The following GOLGA8M variants were observed in gnomAD, a reference collection of about 807,000 sequenced individuals.
GOLGA8M encodes the protein golgin subfamily A member 8M.
In GOLGA8M, 34 loss-of-function variants were observed where a neutral mutation model predicts 87.7. That is an observed-to-expected ratio of 0.39 (90% CI 0.29 to 0.52). GOLGA8M has a LOEUF of 0.52. GOLGA8M is among the 20% of genes least tolerant of loss of function. The pLI is 0.80. For synonymous variants in GOLGA8M, 138 were observed against 250.2 expected (o/e 0.55, Z 4.23); for missense variants, 396 against 682.2 (o/e 0.58, Z 4.67).
At chr15:28,706,896 G>C (rs1176690881) in intron 8 of GOLGA8M, among the ~76,000 whole-genome samples, 197 bp from the exon 9 acceptor site, 1 of 144,054 alleles carries the variant, frequency 6.9e-6, no homozygotes, top group Non-Finnish European at 1.5e-5. Flanking sequence ...TTTATAGCTG[G>C]CTAACAGAGG....
At chr15:28,706,814 G>A (rs180853336) in intron 8 of GOLGA8M, 115 bp from the exon 9 acceptor site, 13,961 of 950,924 alleles carry the variant, frequency 0.015, 684 homozygotes, top group Middle Eastern at 0.02. Flanking sequence ...AAAGATCAAG[G>A]CATTTCCAAG....
intron 1 of GOLGA8M, chr15:28,711,743 G>C (rs182126965): frequency 2.0e-6 from 2 of 985,082 alleles, no homozygotes; most frequent in East Asian, 2.3e-4. Context: ...CCTGGTCGGG[G>C]GGAGGGACCA....
rs2080198240 is a variant in GOLGA8M at position 28,711,635 on chromosome 15, G to T, written c.48+641C>A. 7.1e-6 allele frequency: 7 copies of T among 985,004 alleles called. No homozygotes were observed. In the South Asian group the frequency reaches 3.3e-4, roughly 46 times the overall value. The allele number at this position is 985,004 out of a possible 1,614,324, so 61.0% of individuals were successfully genotyped here. ...CTGTGACCAGAGGAACCAGAAACGA[G>T]GTGAGAACGCTTAGGGGACTGGGTC... On this transcript the variant is annotated intron_variant, in intron 1 of 18. Coordinates refer to ENST00000563027, the MANE Select transcript of GOLGA8M (RefSeq NM_001282468.3).
In GOLGA8M at chr15:28,702,581, C is replaced by T. The variant is rs942445048; in HGVS notation, c.1470-19G>A. Reference sequence around the variant, plus strand: ...GATTTTCCTGCGGGAGGACGGGGCTCAGACGCTGGGGCCCCTCCGACGGTC... The same window carrying T: ...GATTTTCCTGCGGGAGGACGGGGCTTAGACGCTGGGGCCCCTCCGACGGTC... On this transcript the variant is annotated intron_variant, in intron 16 of 18. Transcript: ENST00000563027. The T allele has an allele frequency of 9.9e-6, 16 of 1,609,068 alleles. No individual in the cohort carries two copies. The Admixed American group carries it at 2.5e-4, about 25-fold the overall frequency.
rs760842519 is a variant in GOLGA8M, at chr15:28,708,121, C to A, written c.396+5G>T. The A allele has an allele frequency of 6.3e-7, 1 of 1,599,832 alleles. No individual in the cohort carries two copies. On this transcript the variant is annotated splice_donor_5th_base_variant and intron_variant, in intron 6 of 18. Transcript: ENST00000563027. ...ACAGGAGGAAACTGCACACCCTCCACTCACCTCTAGCACCCTTTTGGCTTT... is the reference window on the plus strand; with the variant it reads ...ACAGGAGGAAACTGCACACCCTCCAATCACCTCTAGCACCCTTTTGGCTTT...
chr15:28,707,320 A>G (rs2080063054), intron 8 of GOLGA8M, among the ~76,000 whole-genome samples: 1 of 135,976 alleles, frequency 7.4e-6, no homozygotes, highest in African/African-American at 3.0e-5. Flanking sequence ...TTTTTTATGA[A>G]CCCTTGCAGA....
rs1458885917 is a variant in GOLGA8M at position 28,700,830 on chromosome 15, C to T, written c.*1124G>A. On this transcript the variant is annotated 3_prime_UTR_variant, in exon 19 of 19. Transcript: ENST00000563027. Reference sequence around the variant, plus strand: ...ATCAATCTTCAAGCCTCAAAGAATACGTGAACAGAGAGGAATGCCAGGTGT... The same window carrying T: ...ATCAATCTTCAAGCCTCAAAGAATATGTGAACAGAGAGGAATGCCAGGTGT... Among the ~76,000 whole-genome samples the T allele has an allele frequency of 6.6e-6, 1 of 151,498 alleles. No individual in the cohort carries two copies. The highest frequency in any genetic ancestry group is 6.6e-5 in the Admixed American group (1 of 15,248).
chr15:28,703,269 G>A, intron 15 of GOLGA8M, 50 bp downstream of exon 15: 1 of 499,500 alleles, frequency 2.0e-6, no homozygotes, highest in Non-Finnish European at 3.3e-6. Context: ...GGGTCTTGGA[G>A]GGACCACAGA....
At chr15:28,703,090 T>C (rs1294758909) in intron 15 of GOLGA8M, 106 of 714,796 alleles carry the variant, frequency 1.5e-4, no homozygotes, top group Non-Finnish European at 1.6e-4. Flanking sequence ...AGCATTCTTC[T>C]AGGGGCATAC....
upstream of GOLGA8M, among the ~76,000 whole-genome samples, chr15:28,713,005 T>C (rs1394288288): frequency 6.7e-6 from 1 of 150,202 alleles, no homozygotes; most frequent in African/African-American, 2.5e-5. Flanking sequence ...CGTTAAGATT[T>C]TTTTTCTTAA....
In GOLGA8M at chr15:28,701,291, C is replaced by T. The variant is rs150729078; in HGVS notation, c.*663G>A. Among the ~76,000 whole-genome samples the T allele has an allele frequency of 6.6e-6, 1 of 151,396 alleles. No homozygotes were observed. The highest frequency in any genetic ancestry group is 6.6e-5 in the Admixed American group (1 of 15,162). On this transcript the variant is annotated 3_prime_UTR_variant, in exon 19 of 19. Transcript: ENST00000563027. ...TGAAACACACTCTATCCTGCACATACCTGCCAGAGGAAGCCACTTTCCTCT... is the reference window on the plus strand; with the variant it reads ...TGAAACACACTCTATCCTGCACATATCTGCCAGAGGAAGCCACTTTCCTCT...
chr15:28,712,083 C>G (rs915905716), intron 1 of GOLGA8M, 193 bp downstream of exon 1: 1 of 982,602 alleles, frequency 1.0e-6, no homozygotes, highest in Non-Finnish European at 1.2e-6. Context: ...GGGTGATTGG[C>G]GAGGGCAAGG....
At chr15:28,702,172 C>CT (rs1183638498) in intron 18 of GOLGA8M, 42 bp downstream of exon 18, 1 of 1,584,964 alleles carries the variant, frequency 6.3e-7, no homozygotes, top group African/African-American at 1.4e-5. Context: ...AGTGGGAGCC[C>CT]CCTCTTCCTG....
rs73364742 is a variant in GOLGA8M at position 28,699,080 on chromosome 15, A to G, written c.*2874T>C. 0.25 allele frequency among the ~76,000 whole-genome samples: 35,522 copies of G among 142,878 alleles called. 8,586 individuals are homozygous for G. The highest frequency in any genetic ancestry group is 0.6 in the East Asian group (2,666 of 4,442). The allele number at this position is 142,878 out of a possible 152,430, so 93.7% of individuals were successfully genotyped here. ...TTTAATAGTTATATTATTTTAAAAC[A>G]ACTCTTTAAAGTTTTAGAGAAACTA... is the stretch of plus-strand genomic sequence containing the variant. On this transcript the variant is annotated 3_prime_UTR_variant, in exon 19 of 19. Coordinates refer to ENST00000563027, the MANE Select transcript of GOLGA8M (RefSeq NM_001282468.3).
At position 28,698,806 on chromosome 15, in the gene GOLGA8M, C is replaced by T. The variant is rs923170183; in HGVS notation, c.*3148G>A. Among the ~76,000 whole-genome samples, 42 of 144,714 alleles carry T rather than the reference C, an allele frequency of 2.9e-4. No individual in the cohort carries two copies. Among genetic ancestry groups the T allele is most frequent in the Non-Finnish European group, 4.7e-4 (32 of 67,636 alleles). 94.9% of individuals were successfully genotyped at this position (144,714 alleles called of 152,430 possible). On this transcript the variant is annotated 3_prime_UTR_variant, in exon 19 of 19. Transcript: ENST00000563027. ...TTAATAATTTATTACATTACAGTGG[C>T]ATCACACCAGCAGTCAATAAGGCCA...
At chr15:28,710,047 G>A (rs2080152737) in intron 2 of GOLGA8M, among the ~76,000 whole-genome samples, 1 of 143,632 alleles carries the variant, frequency 7.0e-6, no homozygotes, top group African/African-American at 2.6e-5. Flanking sequence ...ATCCCTAGCA[G>A]AGCAGATGGA....
rs2079853904 is a variant in GOLGA8M, at chr15:28,702,873, G to T, written c.1369-128C>A. On this transcript the variant is annotated intron_variant, in intron 15 of 18. Coordinates refer to ENST00000563027, the MANE Select transcript of GOLGA8M (RefSeq NM_001282468.3). ...TCTCCGTGACTTCCTGCAGGGCCCA[G>T]TGGGTCTCCCCACTCACAGACTCGC... 2.8e-5 allele frequency: 44 copies of T among 1,544,102 alleles called. 2 individuals are homozygous for T. The South Asian group carries it at 5.2e-4, about 18-fold the overall frequency.
Position 28,702,453 on chromosome 15 carries a change from T to C in GOLGA8M, c.1567+12A>G, listed in dbSNP as rs1179857599. The C allele has an allele frequency of 2.9e-6, 2 of 699,680 alleles. No homozygotes were observed. Among genetic ancestry groups the C allele is most frequent in the South Asian group, 2.8e-5 (2 of 71,472 alleles). The allele number at this position is 699,680 out of a possible 1,614,324, so 43.3% of individuals were successfully genotyped here. On this transcript the variant is annotated intron_variant, in intron 17 of 18. Coordinates refer to ENST00000563027, the MANE Select transcript of GOLGA8M (RefSeq NM_001282468.3). ...CCCACCCCCACCCCCACAGAGATGTTGCACACCCTACCTTCATCTCCTCCC... is the reference window on the plus strand; with the variant it reads ...CCCACCCCCACCCCCACAGAGATGTCGCACACCCTACCTTCATCTCCTCCC...
At chr15:28,705,806 A>G in intron 11 of GOLGA8M, 67 bp from the exon 12 acceptor site, 4 of 1,529,174 alleles carry the variant, frequency 2.6e-6, no homozygotes, top group East Asian at 5.5e-5. Flanking sequence ...CTCTTGGCGC[A>G]CAGCTCCTCT....
Sources: gnomAD v4.1 joint callset for allele counts (sites outside exome capture counted in the v4.1 genomes callset) on GRCh38, gnomAD v4.1.1 for gene constraint, MANE v1.5 for transcripts, NCBI Gene and HGNC (gene_info 2026-07-23, HGNC 2026-07-21) for gene names.